The following UNC5C variants were observed in gnomAD, a reference collection of about 807,000 sequenced individuals.
UNC5C encodes the protein netrin receptor UNC5C.
A neutral mutation model predicts 99.8 loss-of-function variants in UNC5C; 47 were observed. That is an observed-to-expected ratio of 0.47 (90% CI 0.37 to 0.60). The LOEUF is 0.60. Ranked by LOEUF, UNC5C falls within the 20% of genes least tolerant of loss-of-function variation. The probability of loss-of-function intolerance (pLI) is 0.00; values close to 1 mark genes in which losing one functional copy is unlikely to be tolerated. For synonymous variants in UNC5C, 487 were observed against 452.2 expected (o/e 1.08, Z -0.98); for missense variants, 1,062 against 1,165.9 (o/e 0.91, Z 1.30).
intron 1 of UNC5C, among the ~76,000 whole-genome samples, chr4:95,425,256 C>G (rs541734533): frequency 3.3e-4 from 51 of 152,320 alleles, no homozygotes; most frequent in African/African-American, 1.2e-3. Context: ...ATGAAGGAGA[C>G]AGCCCATAGG....
At chr4:95,388,247 T>G (rs753443297) in intron 1 of UNC5C, among the ~76,000 whole-genome samples, 8 of 152,192 alleles carry the variant, frequency 5.3e-5, no homozygotes, top group African/African-American at 1.4e-4. Context: ...TTCACAATGT[T>G]TATCTTTGCT....
chr4:95,288,677 G>A (rs1446076002), intron 3 of UNC5C, among the ~76,000 whole-genome samples: 2 of 152,184 alleles, frequency 1.3e-5, no homozygotes, highest in Non-Finnish European at 2.9e-5. Flanking sequence ...ACCATGACTT[G>A]CCTCTCCCAG....
chr4:95,333,466 C>G (rs1248880734), intron 2 of UNC5C, among the ~76,000 whole-genome samples: 1 of 150,662 alleles, frequency 6.6e-6, no homozygotes, highest in African/African-American at 2.4e-5. Context: ...TAAACTATCA[C>G]AAGGACAAAA....
rs80293887 is a variant in UNC5C at position 95,336,071 on chromosome 4, G to C, written c.125-440C>G. ...AAGCTTACACACTTTGCAAGGAGCC[G>C]AGCAGAAATATTAGAAACTTTAATT... is the stretch of plus-strand genomic sequence containing the variant. On this transcript the variant is annotated intron_variant, in intron 1 of 15. Transcript: ENST00000453304. 3.2e-4 allele frequency among the ~76,000 whole-genome samples: 48 copies of C among 151,932 alleles called. No homozygotes were observed. The East Asian group carries it at 8.1e-3, about 26-fold the overall frequency.
In UNC5C at chr4:95,210,503, TA is replaced by T. The variant is rs1030762078; in HGVS notation, c.1734-3708del. Among the ~76,000 whole-genome samples, 5 of 152,080 alleles carry T rather than the reference TA, an allele frequency of 3.3e-5. No individual in the cohort carries two copies. The South Asian group carries it at 6.2e-4, about 19-fold the overall frequency. ...TCACATAGAAGAAAATAGCAGAAAA[TA>T]AAAATATCTCAGATTCTTGTTTTTG... On this transcript the variant is annotated intron_variant, in intron 10 of 15. Coordinates refer to ENST00000453304, the MANE Select transcript of UNC5C (RefSeq NM_003728.4).
At chr4:95,236,856 T>G (rs1739137831) in intron 7 of UNC5C, among the ~76,000 whole-genome samples, 1 of 152,144 alleles carries the variant, frequency 6.6e-6, no homozygotes, top group African/African-American at 2.4e-5. Flanking sequence ...TATTAGACTT[T>G]TGGGTTTTAC....
intron 1 of UNC5C, among the ~76,000 whole-genome samples, chr4:95,435,734 A>G (rs911632796): frequency 5.9e-5 from 9 of 151,912 alleles, no homozygotes; most frequent in African/African-American, 1.9e-4. Context: ...CCAAGCTGCA[A>G]CTCTTCCAAC....
chr4:95,398,098 C>A (rs982580927), intron 1 of UNC5C, among the ~76,000 whole-genome samples: 3 of 128,066 alleles, frequency 2.3e-5, no homozygotes, highest in African/African-American at 3.1e-5. Context: ...TAACATACAT[C>A]CTTGCTCCCA....
chr4:95,189,405 C>G (rs1392582425), intron 12 of UNC5C, among the ~76,000 whole-genome samples: 1 of 152,196 alleles, frequency 6.6e-6, no homozygotes, highest in Admixed American at 6.5e-5. Flanking sequence ...CCCACCTCAG[C>G]CTCCCAAGTA....
intron 2 of UNC5C, among the ~76,000 whole-genome samples, chr4:95,324,658 G>A (rs1742823870): frequency 6.6e-6 from 1 of 152,100 alleles, no homozygotes; most frequent in African/African-American, 2.4e-5. Flanking sequence ...ATGGTATTAG[G>A]AGGTGGGGCC....
Position 95,306,317 on chromosome 4 carries a change from C to A in UNC5C, c.347-4568G>T, listed in dbSNP as rs557280234. Among the ~76,000 whole-genome samples the A allele has an allele frequency of 2.2e-3, 331 of 152,168 alleles. 1 individual carries two copies. The highest frequency in any genetic ancestry group is 5.8e-3 in the South Asian group (28 of 4,816). ...TCCCGGGTTCACACCATTCTCCTGCCTCAGCCTCCGGAGTAGCTGGGACTA... is the reference window on the plus strand; with the variant it reads ...TCCCGGGTTCACACCATTCTCCTGCATCAGCCTCCGGAGTAGCTGGGACTA... On this transcript the variant is annotated intron_variant, in intron 2 of 15. Transcript: ENST00000453304.
intron 11 of UNC5C, among the ~76,000 whole-genome samples, chr4:95,203,326 G>T (rs1737756825): frequency 6.6e-6 from 1 of 152,080 alleles, no homozygotes; most frequent in South Asian, 2.1e-4. Flanking sequence ...TCTTCCTAAA[G>T]AAATACACTG....
chr4:95,493,932 C>T (rs1183634054), intron 1 of UNC5C, among the ~76,000 whole-genome samples: 1 of 151,350 alleles, frequency 6.6e-6, no homozygotes, highest in African/African-American at 2.4e-5. Flanking sequence ...AATTACAACG[C>T]CATTTTTTCG....
intron 7 of UNC5C, among the ~76,000 whole-genome samples, chr4:95,233,590 T>A (rs1452345015): frequency 6.6e-6 from 1 of 152,192 alleles, no homozygotes; most frequent in Non-Finnish European, 1.5e-5. Flanking sequence ...AAACTATTCA[T>A]ATTATATGCT....
chr4:95,461,314 G>C (rs1747593784), intron 1 of UNC5C, among the ~76,000 whole-genome samples: 1 of 97,388 alleles, frequency 1.0e-5, no homozygotes, highest in African/African-American at 5.1e-5. Context: ...GAAGCACAAG[G>C]CAAGAGCAAG....
chr4:95,478,614 A>G (rs1721034405), intron 1 of UNC5C, among the ~76,000 whole-genome samples: 2 of 151,986 alleles, frequency 1.3e-5, no homozygotes, highest in African/African-American at 2.4e-5. Context: ...CAAGCAATTC[A>G]GTTAGCCTAG....
At chr4:95,317,236 C>A (rs527432688) in intron 2 of UNC5C, among the ~76,000 whole-genome samples, 12 of 152,196 alleles carry the variant, frequency 7.9e-5, no homozygotes, top group Non-Finnish European at 1.6e-4. Context: ...ACTTTGGAGG[C>A]AGTTTAGTAG....
At chr4:95,316,566 A>G (rs1335396024) in intron 2 of UNC5C, among the ~76,000 whole-genome samples, 2 of 152,176 alleles carry the variant, frequency 1.3e-5, no homozygotes, top group African/African-American at 4.8e-5. Context: ...AAATATGTTC[A>G]CCTTGAAAAA....
At chr4:95,391,688 G>A (rs1427351141) in intron 1 of UNC5C, among the ~76,000 whole-genome samples, 1 of 148,276 alleles carries the variant, frequency 6.7e-6, no homozygotes, top group Non-Finnish European at 1.5e-5. Flanking sequence ...TTTTAATGAT[G>A]ACCAATCCCT....
Sources: allele counts gnomAD v4.1 joint callset (sites outside exome capture counted in the v4.1 genomes callset), GRCh38; gene constraint gnomAD v4.1.1; transcripts MANE v1.5; gene names NCBI Gene and HGNC (gene_info 2026-07-23, HGNC 2026-07-21).